ADGRV1: variants seen among roughly 807,000 people sequenced by gnomAD.
ADGRV1 encodes the protein G-protein coupled receptor 98.
Under a neutral mutation model 596.2 loss-of-function variants are expected in ADGRV1, and 359 were observed. The observed-to-expected ratio is 0.60, with a 90% confidence interval of 0.55 to 0.66. ADGRV1 has a LOEUF of 0.66. Among genes scored for constraint, ADGRV1 ranks in the 30% least tolerant of loss-of-function variants. The probability of loss-of-function intolerance (pLI) is 0.00; values close to 1 mark genes in which losing one functional copy is unlikely to be tolerated. For synonymous variants in ADGRV1, 2,681 were observed against 2,679.2 expected, an observed-to-expected ratio of 1.00 and a Z score of -0.02; for missense variants, 7,274 against 7,575.6, an observed-to-expected ratio of 0.96 and a Z score of 1.48.
intron 81 of ADGRV1, among the ~76,000 whole-genome samples, chr5:90,854,539 C>T (rs1766842425): frequency 6.6e-6 from 1 of 152,266 alleles, no homozygotes; most frequent in Middle Eastern, 3.4e-3. Context: ...TTACCCTTTC[C>T]ATCTGGGCTT....
At chr5:90,923,295 G>A (rs1774066765) in intron 83 of ADGRV1, among the ~76,000 whole-genome samples, 1 of 151,838 alleles carries the variant, frequency 6.6e-6, no homozygotes, top group Admixed American at 6.6e-5. Flanking sequence ...GTATATAAAG[G>A]ATAATATATA....
intron 45 of ADGRV1, among the ~76,000 whole-genome samples, chr5:90,722,353 A>G (rs1285377457): frequency 6.6e-6 from 1 of 151,930 alleles, no homozygotes; most frequent in East Asian, 1.9e-4. Context: ...AGTAAAATAA[A>G]TGTGGTTTAA....
At position 91,018,996 on chromosome 5, in the gene ADGRV1, T is replaced by C. The variant is rs186872079; in HGVS notation, c.18152+33474T>C. Among the ~76,000 whole-genome samples the C allele has an allele frequency of 2.4e-4, 36 of 152,058 alleles. No homozygotes were observed. In the East Asian group the frequency reaches 7.0e-3, roughly 30 times the overall value. Reference sequence around the variant, plus strand: ...CAACATAATGGCTGGTGGCTTCAGGTTCTCATCCTTTCAGCCTACCAGTCC... The same window carrying C: ...CAACATAATGGCTGGTGGCTTCAGGCTCTCATCCTTTCAGCCTACCAGTCC... On this transcript the variant is annotated intron_variant, in intron 85 of 89. Transcript: ENST00000405460.
At chr5:90,595,859 C>G (rs562389441) in intron 1 of ADGRV1, among the ~76,000 whole-genome samples, 3 of 149,884 alleles carry the variant, frequency 2.0e-5, no homozygotes, top group African/African-American at 7.4e-5. Flanking sequence ...ACCTCCCTCC[C>G]GGACGGGGCG....
At chr5:90,668,921 C>G (rs7729703) in intron 21 of ADGRV1, among the ~76,000 whole-genome samples, 112,593 of 152,070 alleles carry the variant, frequency 0.74, 42,811 homozygotes, top group African/African-American at 0.91. Flanking sequence ...ATGCTATGTG[C>G]TAATGCTTAC....
intron 83 of ADGRV1, among the ~76,000 whole-genome samples, chr5:90,954,509 AT>A (rs1302853700): frequency 6.6e-6 from 1 of 152,170 alleles, no homozygotes; most frequent in Non-Finnish European, 1.5e-5. Flanking sequence ...AAGTCACTTT[AT>A]GAAAAATATA....
At position 90,679,624 on chromosome 5, in the gene ADGRV1, A is replaced by G. The variant is rs1744679653; in HGVS notation, c.5519A>G (p.Lys1840Arg). ...DMEFFLPTIH[K>R]RASLGVASQI... ...GAATTCTTCCTTCCAACTATTCACA[A>G]ACGTGGTAAGCAGTTTTTCCAAGGT... is the stretch of plus-strand genomic sequence containing the variant. Residue 1840 changes from lysine to arginine, a missense_variant, in exon 26 of 90, where the codon AAA (lysine) becomes AGA (arginine). Coordinates refer to ENST00000405460, the MANE Select transcript of ADGRV1 (RefSeq NM_032119.4). 6.2e-7 allele frequency: 1 copy of G among 1,612,406 alleles called. No individual in the cohort carries two copies. Among genetic ancestry groups the G allele is most frequent in the Non-Finnish European group, 8.5e-7 (1 of 1,178,710 alleles).
Position 90,662,097 on chromosome 5 carries a change from T to G in ADGRV1, c.4752+3819T>G, listed in dbSNP as rs540195495. 1.1e-4 allele frequency among the ~76,000 whole-genome samples: 17 copies of G among 151,652 alleles called. No homozygotes were observed. In the South Asian group the frequency reaches 2.7e-3, roughly 24 times the overall value. ...TTCATATATAGAGTATACACAAAAA[T>G]AGAGAAGATAAAGGAATGAGTCACA... On this transcript the variant is annotated intron_variant, in intron 21 of 89. Transcript: ENST00000405460.
chr5:90,968,870 CAT>C (rs1778707430), intron 84 of ADGRV1, among the ~76,000 whole-genome samples: 1 of 152,122 alleles, frequency 6.6e-6, no homozygotes, highest in African/African-American at 2.4e-5. Flanking sequence ...TATGATACTA[CAT>C]ATGTCTGTGC....
chr5:90,587,460 A>C (rs1356116943), intron 1 of ADGRV1, among the ~76,000 whole-genome samples: 3 of 152,078 alleles, frequency 2.0e-5, no homozygotes, highest in African/African-American at 7.2e-5. Flanking sequence ...GAAAAAAGTC[A>C]TGACGTGATA....
intron 1 of ADGRV1, among the ~76,000 whole-genome samples, chr5:90,599,668 T>G (rs889026641): frequency 6.6e-6 from 1 of 152,176 alleles, no homozygotes; most frequent in Non-Finnish European, 1.5e-5. Context: ...AAGCCCAATC[T>G]CAGAGATTTT....
At chr5:90,896,591 T>G (rs1771349613) in intron 83 of ADGRV1, among the ~76,000 whole-genome samples, 1 of 152,096 alleles carries the variant, frequency 6.6e-6, no homozygotes, top group Non-Finnish European at 1.5e-5. Context: ...TTATGTATTA[T>G]GTAAGAATTG....
chr5:90,834,904 CTT>C (rs1395064888), intron 77 of ADGRV1, among the ~76,000 whole-genome samples: 9 of 148,276 alleles, frequency 6.1e-5, no homozygotes, highest in Non-Finnish European at 1.2e-4. Flanking sequence ...CTTTCTCTTT[CTT>C]TTTCTTTCTC....
chr5:91,133,913 A>G (rs551621936), intron 87 of ADGRV1, among the ~76,000 whole-genome samples: 254 of 152,318 alleles, frequency 1.7e-3, no homozygotes, highest in Non-Finnish European at 2.9e-3. Context: ...CCCTTTTCAA[A>G]AAGTGTAGCT....
At chr5:90,662,115 G>A (rs1430725913) in intron 21 of ADGRV1, among the ~76,000 whole-genome samples, 1 of 151,368 alleles carries the variant, frequency 6.6e-6, no homozygotes, top group African/African-American at 2.4e-5. Context: ...ATAAAGGAAT[G>A]AGTCACAGTG....
chr5:90,902,838 G>A (rs368306307), intron 83 of ADGRV1, among the ~76,000 whole-genome samples: 67 of 152,052 alleles, frequency 4.4e-4, no homozygotes, highest in African/African-American at 7.7e-4. Flanking sequence ...TCTTTACCAC[G>A]CTGAGTTCAC....
At chr5:90,954,315 G>A (rs1777293920) in intron 83 of ADGRV1, among the ~76,000 whole-genome samples, 1 of 151,864 alleles carries the variant, frequency 6.6e-6, no homozygotes, top group Admixed American at 6.6e-5. Flanking sequence ...ATCTGTATGG[G>A]TTAGCATATT....
At position 90,705,396 on chromosome 5, in the gene ADGRV1, T is replaced by G; in HGVS notation, c.8387-4T>G. The G allele has an allele frequency of 6.2e-7, 1 of 1,612,812 alleles. No individual in the cohort carries two copies. The highest frequency in any genetic ancestry group is 8.5e-7 in the Non-Finnish European group (1 of 1,179,424). On this transcript the variant is annotated splice_region_variant and splice_polypyrimidine_tract_variant and intron_variant, in intron 36 of 89. Transcript: ENST00000405460. ...ACTGTTAGATTCCTGCCTGACATTT[T>G]TAGGAGTTCCACCAGCCGGAATCGC... is the stretch of plus-strand genomic sequence containing the variant.
chr5:91,071,961 A>C (rs531043950), intron 85 of ADGRV1, among the ~76,000 whole-genome samples: 1 of 152,166 alleles, frequency 6.6e-6, no homozygotes, highest in Admixed American at 6.5e-5. Flanking sequence ...ACAGGCATGA[A>C]CCACTGCACC....
Sources: allele counts gnomAD v4.1 joint callset (sites outside exome capture counted in the v4.1 genomes callset), GRCh38; gene constraint gnomAD v4.1.1; transcripts MANE v1.5; gene names NCBI Gene and HGNC (gene_info 2026-07-23, HGNC 2026-07-21).